TBCEL: variants seen among roughly 807,000 people sequenced by gnomAD.
TBCEL encodes tubulin-specific chaperone cofactor E-like protein.
In TBCEL, 15 loss-of-function variants were observed where a neutral mutation model predicts 44.2. The observed-to-expected ratio is 0.34, with a 90% CI of 0.23 to 0.52. TBCEL has a LOEUF of 0.52. TBCEL is among the 20% of genes least tolerant of loss of function. TBCEL has a pLI of 0.95. For missense variants in TBCEL, 319 were observed against 506.3 expected, an observed-to-expected ratio of 0.63 and a Z score of 3.55; for synonymous variants, 171 against 185.4, an observed-to-expected ratio of 0.92 and a Z score of 0.63.
At chr11:121,031,102 C>T (rs1945135589) in intron 1 of TBCEL, among the ~76,000 whole-genome samples, 1 of 152,178 alleles carries the variant, frequency 6.6e-6, no homozygotes, top group Non-Finnish European at 1.5e-5. Flanking sequence ...CCCCCCACCG[C>T]AATCCTCCCA....
At chr11:121,031,783 A>G (rs565197251) in intron 1 of TBCEL, among the ~76,000 whole-genome samples, 1 of 139,316 alleles carries the variant, frequency 7.2e-6, no homozygotes, top group Non-Finnish European at 1.6e-5. Flanking sequence ...TCCCACCTCA[A>G]CCTCCCAAGT....
intron 8 of TBCEL, among the ~76,000 whole-genome samples, chr11:121,085,269 A>G (rs1354641409): frequency 6.6e-6 from 1 of 151,900 alleles, no homozygotes; most frequent in Non-Finnish European, 1.5e-5. Flanking sequence ...CGAACTCCTG[A>G]CCTCGTGATC....
chr11:121,059,373 C>G (rs925110961), intron 7 of TBCEL, among the ~76,000 whole-genome samples: 1 of 151,864 alleles, frequency 6.6e-6, no homozygotes, highest in Non-Finnish European at 1.5e-5. Context: ...TTATATAACC[C>G]AGTTTTACTG....
At chr11:121,036,100 A>T (rs183924236) in intron 1 of TBCEL, 2 of 152,292 alleles carry the variant, frequency 1.3e-5, no homozygotes, top group East Asian at 3.9e-4. Flanking sequence ...AAGTTCCCCC[A>T]GTTTCGTATC....
At chr11:121,033,033 A>G (rs1488026355) in intron 1 of TBCEL, among the ~76,000 whole-genome samples, 1 of 152,190 alleles carries the variant, frequency 6.6e-6, no homozygotes, top group African/African-American at 2.4e-5. Context: ...CCTCTCTGTC[A>G]TATTTACACA....
At chr11:121,084,436 G>T (rs1346780750) in intron 8 of TBCEL, among the ~76,000 whole-genome samples, 3 of 151,896 alleles carry the variant, frequency 2.0e-5, no homozygotes, top group Non-Finnish European at 2.9e-5. Flanking sequence ...TTCTTCAGTT[G>T]TGTTTTCTTT....
chr11:121,040,429 A>G (rs1167602571), intron 2 of TBCEL, among the ~76,000 whole-genome samples: 1 of 152,176 alleles, frequency 6.6e-6, no homozygotes, highest in East Asian at 1.9e-4. Flanking sequence ...TGTGAAAGCC[A>G]TGGTAAAGAA....
chr11:121,027,414 G>A (rs1364318178), intron 1 of TBCEL, among the ~76,000 whole-genome samples: 3 of 152,110 alleles, frequency 2.0e-5, no homozygotes, highest in African/African-American at 7.2e-5. Flanking sequence ...AAAGGATATT[G>A]CTATGATTAT....
In TBCEL at chr11:121,060,009, G is replaced by T; in HGVS notation, c.880G>T (p.Asp294Tyr). ...CAAACTTAATGGCAGCGTTGTTACT[G>T]ATGGTGAACGAGAAGATTCTGAGAG... ...VSKLNGSVVTDGEREDSERFF... is the reference protein window; with the variant it reads ...VSKLNGSVVTYGEREDSERFF... Residue 294 changes from aspartate (D) to tyrosine (Y), a missense_variant, in exon 8 of 9, where the codon GAT (aspartate) becomes TAT (tyrosine). By Grantham distance (160) the Asp-to-Tyr change is radical (BLOSUM62 -3). Transcript: ENST00000683345. The T allele has an allele frequency of 6.2e-7, 1 of 1,611,386 alleles. No homozygotes were observed. The highest frequency in any genetic ancestry group is 8.5e-7 in the Non-Finnish European group (1 of 1,178,416).
chr11:121,085,994 AT>A (rs1236131816), intron 8 of TBCEL, among the ~76,000 whole-genome samples: 1 of 151,922 alleles, frequency 6.6e-6, no homozygotes, highest in African/African-American at 2.4e-5. Context: ...TTTTTTCAGC[AT>A]TTTTTCCCTT....
At chr11:121,031,873 G>A (rs1271886827) in intron 1 of TBCEL, among the ~76,000 whole-genome samples, 3 of 151,736 alleles carry the variant, frequency 2.0e-5, no homozygotes, top group African/African-American at 7.3e-5. Context: ...GCCCAGGCTG[G>A]TCCTGAACTC....
At chr11:121,060,216 A>G (rs1459433437) in intron 8 of TBCEL, 131 bp downstream of exon 8, 10 of 643,874 alleles carry the variant, frequency 1.6e-5, no homozygotes, top group South Asian at 2.0e-5. Context: ...GTTAAAAAAA[A>G]GGAAGAAACA....
intron 2 of TBCEL, among the ~76,000 whole-genome samples, chr11:121,043,552 G>T (rs1239284228): frequency 1.3e-5 from 2 of 152,070 alleles, no homozygotes; most frequent in African/African-American, 4.8e-5. Flanking sequence ...CTAGGAAAAA[G>T]TACGGGTGGT....
chr11:121,058,861 C>T (rs575882249), intron 7 of TBCEL, among the ~76,000 whole-genome samples: 1 of 151,954 alleles, frequency 6.6e-6, no homozygotes, highest in African/African-American at 2.4e-5. Context: ...TGGGCTGTTT[C>T]ATTAGTGGAA....
At chr11:121,034,609 T>C (rs1945199113) in intron 1 of TBCEL, among the ~76,000 whole-genome samples, 1 of 152,212 alleles carries the variant, frequency 6.6e-6, no homozygotes, top group African/African-American at 2.4e-5. Flanking sequence ...GGGGTGTCAA[T>C]TATATGCAAG....
chr11:121,084,009 G>T (rs1038649931), intron 8 of TBCEL, among the ~76,000 whole-genome samples: 4 of 152,178 alleles, frequency 2.6e-5, no homozygotes, highest in African/African-American at 9.7e-5. Flanking sequence ...ATGGAAGGAG[G>T]AATGACAAGA....
Position 121,055,134 on chromosome 11 carries a change from C to T in TBCEL, c.538C>T (p.His180Tyr). The change falls in exon 6 of 9, where the codon CAT becomes TAT. Residue 180 changes from histidine (H) to tyrosine (Y), a missense_variant. By Grantham distance (83) the His-to-Tyr change is moderately conservative. Coordinates refer to ENST00000683345, the MANE Select transcript of TBCEL (RefSeq NM_001363644.2). The part of the protein sequence containing the change: ...SICCHSLKLL[H>Y]ITDNNLQDWT... ...TTGCTGTCATTCTCTTAAGCTACTA[C>T]ATATAACAGACAATAACCTCCAAGA... 1 of 1,611,396 alleles carries T rather than the reference C, an allele frequency of 6.2e-7. No homozygotes were observed. The highest frequency in any genetic ancestry group is 8.5e-7 in the Non-Finnish European group (1 of 1,178,566).
At chr11:121,050,696 A>C (rs191908959) in intron 4 of TBCEL, among the ~76,000 whole-genome samples, 1 of 151,840 alleles carries the variant, frequency 6.6e-6, no homozygotes, top group Admixed American at 6.6e-5. Flanking sequence ...GGTAAGGTAG[A>C]GAATAGCTTA....
intron 4 of TBCEL, among the ~76,000 whole-genome samples, chr11:121,052,886 A>G (rs915984462): frequency 1.3e-5 from 2 of 151,894 alleles, no homozygotes; most frequent in Admixed American, 6.6e-5. Context: ...TGCAGACCAA[A>G]TAGCTAAGGT....
Sources: gnomAD v4.1 joint callset for allele counts (sites outside exome capture counted in the v4.1 genomes callset) on GRCh38, gnomAD v4.1.1 for gene constraint, MANE v1.5 for transcripts, NCBI Gene and HGNC (gene_info 2026-07-23, HGNC 2026-07-21) for gene names.